Variants in TNFSF13B observed in about 807,000 individuals in gnomAD.
TNFSF13B encodes the protein TNF superfamily member 13b.
In TNFSF13B, 8 loss-of-function variants were observed where a neutral mutation model predicts 29.1. The observed-to-expected ratio is 0.27, with a 90% CI of 0.16 to 0.50. The LOEUF (loss-of-function observed/expected upper bound fraction) is 0.50, where lower values mean the gene tolerates loss of function less well. TNFSF13B is among the 20% of genes least tolerant of loss of function. The pLI is 0.98. For synonymous variants in TNFSF13B, 125 were observed against 130.8 expected (o/e 0.96, Z 0.30); for missense variants, 248 against 334.9 (o/e 0.74, Z 2.03).
At chr13:108,288,800 G>A (rs1881217451) in intron 3 of TNFSF13B, among the ~76,000 whole-genome samples, 1 of 152,186 alleles carries the variant, frequency 6.6e-6, no homozygotes. Flanking sequence ...GCAGGAGAAA[G>A]TTTTGTGTTG....
At chr13:108,283,048 A>T (rs1881003266) in intron 2 of TNFSF13B, among the ~76,000 whole-genome samples, 1 of 152,208 alleles carries the variant, frequency 6.6e-6, no homozygotes, top group Admixed American at 6.5e-5. Flanking sequence ...TTACTGGAAG[A>T]TATTAAAAAT....
intron 5 of TNFSF13B, 151 bp downstream of exon 5, chr13:108,303,755 G>T: frequency 1.3e-6 from 1 of 788,250 alleles, no homozygotes; most frequent in Non-Finnish European, 2.0e-6. Context: ...TTTAAATCTT[G>T]AATAATAAGC....
intron 3 of TNFSF13B, among the ~76,000 whole-genome samples, chr13:108,297,904 T>C (rs1444309860): frequency 6.8e-6 from 1 of 146,076 alleles, no homozygotes; most frequent in Non-Finnish European, 1.5e-5. Flanking sequence ...ATGGCATGTA[T>C]CCACCATTGT....
At position 108,270,052 on chromosome 13, in the gene TNFSF13B, C is replaced by T; in HGVS notation, c.157C>T (p.Leu53=). Residue 53 remains leucine (L), a synonymous_variant, in exon 1 of 6, where the codon CTG becomes TTG. Coordinates refer to ENST00000375887, the MANE Select transcript of TNFSF13B (RefSeq NM_006573.5). ...CGGAAAGCTGCTGGCTGCAACCTTG[C>T]TGCTGGCACTGCTGTCTTGCTGCCT... ...KDGKLLAATL[L]LALLSCCLTV... 3 of 1,609,850 alleles carry T rather than the reference C, an allele frequency of 1.9e-6. No homozygotes were observed. Among genetic ancestry groups the T allele is most frequent in the Non-Finnish European group, 2.5e-6 (3 of 1,179,990 alleles).
chr13:108,291,051 A>T (rs1040782814), intron 3 of TNFSF13B, among the ~76,000 whole-genome samples: 5 of 151,722 alleles, frequency 3.3e-5, no homozygotes, highest in Non-Finnish European at 7.4e-5. Context: ...TTCCATGTTT[A>T]GTCTATGTTT....
intron 2 of TNFSF13B, among the ~76,000 whole-genome samples, chr13:108,280,684 G>A (rs1210935074): frequency 2.0e-5 from 3 of 150,132 alleles, no homozygotes; most frequent in Admixed American, 2.0e-4. Flanking sequence ...TAGATGAATA[G>A]TAAACTGAAG....
chr13:108,269,747 A>G lies in TNFSF13B; in HGVS notation c.-149A>G. On this transcript the variant is annotated 5_prime_UTR_variant, in exon 1 of 6. Transcript: ENST00000375887. Reference sequence around the variant, plus strand: ...GTAGAGATGCAGAAAGGCAGAAAGGAGAAAATTCAGGATAACTCTCCTGAG... The same window carrying G: ...GTAGAGATGCAGAAAGGCAGAAAGGGGAAAATTCAGGATAACTCTCCTGAG... 1.4e-6 allele frequency: 1 copy of G among 721,682 alleles called. No homozygotes were observed. The highest frequency in any genetic ancestry group is 2.6e-5 in the East Asian group (1 of 39,072). The allele number at this position is 721,682 out of a possible 1,614,324, so 44.7% of individuals were successfully genotyped here.
At chr13:108,301,207 T>C (rs188136819) in intron 3 of TNFSF13B, 1 of 152,244 alleles carries the variant, frequency 6.6e-6, no homozygotes, top group East Asian at 1.9e-4. Flanking sequence ...CAAGTATATA[T>C]CCAAAGAAAA....
intron 3 of TNFSF13B, among the ~76,000 whole-genome samples, chr13:108,287,709 T>C (rs1275535970): frequency 2.6e-5 from 4 of 152,224 alleles, no homozygotes; most frequent in Non-Finnish European, 4.4e-5. Flanking sequence ...ATTAAAAATC[T>C]GTATTTTTAA....
chr13:108,292,791 T>C (rs148337583), intron 3 of TNFSF13B, among the ~76,000 whole-genome samples: 73 of 152,256 alleles, frequency 4.8e-4, no homozygotes, highest in African/African-American at 1.7e-3. Context: ...TGTTGTTGAG[T>C]TGTAAAACTT....
chr13:108,307,646 G>A lies in TNFSF13B; in HGVS notation c.*708G>A, dbSNP rs904946139. ...TATCCTCATTTGTTTATGCTCATGT[G>A]TATTTTCTATAGTGAATTTCAGAAA... On this transcript the variant is annotated 3_prime_UTR_variant, in exon 6 of 6. Transcript: ENST00000375887. 1 of 151,764 alleles carries A rather than the reference G, an allele frequency of 6.6e-6. No homozygotes were observed. Among genetic ancestry groups the A allele is most frequent in the Admixed American group, 6.6e-5 (1 of 15,216 alleles). 9.4% of individuals were successfully genotyped at this position (151,764 alleles called of 1,614,324 possible).
chr13:108,301,956 A>G (rs17565502), intron 3 of TNFSF13B, among the ~76,000 whole-genome samples: 4 of 151,980 alleles, frequency 2.6e-5, no homozygotes, highest in Non-Finnish European at 5.9e-5. Flanking sequence ...TTTTATTTGG[A>G]AAAAGTTTAA....
At chr13:108,278,570 C>CCTCCTCT (rs1880822619) in intron 2 of TNFSF13B, among the ~76,000 whole-genome samples, 1 of 67,412 alleles carries the variant, frequency 1.5e-5, no homozygotes, top group Non-Finnish European at 2.9e-5. Context: ...TTCTTCCTAC[C>CCTCCTCT]CCCTCCTCTC....
intron 3 of TNFSF13B, 48 bp downstream of exon 3, chr13:108,286,907 T>A (rs903418523): frequency 1.4e-6 from 2 of 1,385,374 alleles, no homozygotes; most frequent in African/African-American, 2.9e-5. Context: ...TGTCCATCAA[T>A]GATAGACTGG....
chr13:108,307,016 CAAAAAAAAAAAAAAAAAAAAA>C lies in TNFSF13B; in HGVS notation c.*89_*109del. On this transcript the variant is annotated 3_prime_UTR_variant, in exon 6 of 6. Transcript: ENST00000375887. ...GAAGAAAGAATCTAACTGAAAATAC[CAAAAAAAAAAAAAAAAAAAAA>C]AAAAAAAAAAGTAGTTACCATTGCC... 1.4e-5 allele frequency: 1 copy of C among 73,768 alleles called. No homozygotes were observed. 4.6% of individuals were successfully genotyped at this position (73,768 alleles called of 1,614,324 possible). A position where few individuals can be genotyped will look rare whatever the true frequency, so the allele number is the denominator to read the frequency against.
chr13:108,297,887 A>G (rs1323005486), intron 3 of TNFSF13B, among the ~76,000 whole-genome samples: 1 of 145,960 alleles, frequency 6.9e-6, no homozygotes, highest in East Asian at 1.9e-4. Context: ...GTTAGCACAA[A>G]TGCATAATGG....
At chr13:108,302,532 T>C (rs1486310390) in intron 3 of TNFSF13B, among the ~76,000 whole-genome samples, 1 of 81,608 alleles carries the variant, frequency 1.2e-5, no homozygotes, top group East Asian at 8.8e-4. Flanking sequence ...GGCTCAGCAA[T>C]GTAGTCCCCC....
intron 5 of TNFSF13B, among the ~76,000 whole-genome samples, chr13:108,304,474 T>C (rs1881715336): frequency 6.6e-6 from 1 of 152,138 alleles, no homozygotes; most frequent in African/African-American, 2.4e-5. Context: ...GCACGGCAGA[T>C]CTTGTAAACT....
chr13:108,273,133 T>G (rs1423653876), intron 2 of TNFSF13B, among the ~76,000 whole-genome samples: 2 of 152,160 alleles, frequency 1.3e-5, no homozygotes, highest in African/African-American at 4.8e-5. Context: ...TGCCCTAGAC[T>G]TTTTAATAAA....
Sources: allele counts gnomAD v4.1 joint callset (sites outside exome capture counted in the v4.1 genomes callset), GRCh38; gene constraint gnomAD v4.1.1; transcripts MANE v1.5; gene names NCBI Gene and HGNC (gene_info 2026-07-23, HGNC 2026-07-21).